The following ATG5 variants were observed in gnomAD, a reference collection of about 807,000 sequenced individuals.
The protein encoded by ATG5 is autophagy related 5, also known as autophagy protein 5.
In ATG5, 14 loss-of-function variants were observed where a neutral mutation model predicts 36.5. That is an observed-to-expected ratio of 0.38 (90% confidence interval 0.25 to 0.60). The LOEUF is 0.60. ATG5 is among the 20% of genes least tolerant of loss of function. The pLI is 0.60. For synonymous variants in ATG5, 95 were observed against 101.5 expected, an observed-to-expected ratio of 0.94 and a Z score of 0.38; for missense variants, 195 against 326.7, an observed-to-expected ratio of 0.60 and a Z score of 3.11.
At chr6:106,266,896 T>C (rs901487054) in intron 5 of ATG5, among the ~76,000 whole-genome samples, 17 of 152,304 alleles carry the variant, frequency 1.1e-4, no homozygotes, top group African/African-American at 4.1e-4. Flanking sequence ...GTCAATATCA[T>C]ACGGAATGGG....
intron 6 of ATG5, among the ~76,000 whole-genome samples, chr6:106,233,746 G>C (rs1777779085): frequency 6.6e-6 from 1 of 152,136 alleles, no homozygotes; most frequent in East Asian, 1.9e-4. Flanking sequence ...CGTGAGGAAA[G>C]TAACTAAAAT....
chr6:106,259,560 T>C (rs1016185190), intron 5 of ATG5, among the ~76,000 whole-genome samples: 4 of 152,216 alleles, frequency 2.6e-5, no homozygotes, highest in African/African-American at 7.2e-5. Flanking sequence ...AACAAGTCCA[T>C]GAAGTTGTTT....
chr6:106,261,783 G>A (rs1044146470), intron 5 of ATG5, among the ~76,000 whole-genome samples: 2 of 152,184 alleles, frequency 1.3e-5, no homozygotes, highest in African/African-American at 4.8e-5. Context: ...AGAGCCTATT[G>A]TTAGGCTGGA....
At chr6:106,293,470 T>C (rs1582663857) in intron 3 of ATG5, among the ~76,000 whole-genome samples, 1 of 152,226 alleles carries the variant, frequency 6.6e-6, no homozygotes, top group Non-Finnish European at 1.5e-5. Flanking sequence ...TGTTTTTTAC[T>C]TTTAGAACTT....
At chr6:106,187,847 A>T (rs1023273755) in intron 7 of ATG5, among the ~76,000 whole-genome samples, 1 of 152,198 alleles carries the variant, frequency 6.6e-6, no homozygotes, top group South Asian at 2.1e-4. Flanking sequence ...CCCAGGTGAC[A>T]GTCAACAGAG....
At chr6:106,321,134 T>C (rs779823298) in intron 1 of ATG5, among the ~76,000 whole-genome samples, 2 of 152,240 alleles carry the variant, frequency 1.3e-5, no homozygotes, top group Non-Finnish European at 2.9e-5. Context: ...TTTCCACCTA[T>C]TAGTTACGTG....
chr6:106,242,679 C>G (rs1218154030), intron 6 of ATG5, among the ~76,000 whole-genome samples: 1 of 152,048 alleles, frequency 6.6e-6, no homozygotes, highest in Non-Finnish European at 1.5e-5. Context: ...CAGAATACAT[C>G]CTATTCTGCT....
chr6:106,273,144 A>G (rs1166314267), intron 5 of ATG5, among the ~76,000 whole-genome samples: 1 of 152,252 alleles, frequency 6.6e-6, no homozygotes, highest in Non-Finnish European at 1.5e-5. Context: ...GTTCAAGAAG[A>G]GTAGTTATGC....
intron 5 of ATG5, among the ~76,000 whole-genome samples, chr6:106,277,908 A>G (rs57433728): frequency 0.025 from 3,747 of 152,326 alleles, 64 homozygotes; most frequent in African/African-American, 0.049. Context: ...AATTTAACAC[A>G]TTAGAAACAC....
chr6:106,262,882 A>T (rs551180178), intron 5 of ATG5, among the ~76,000 whole-genome samples: 1 of 152,282 alleles, frequency 6.6e-6, no homozygotes, highest in East Asian at 1.9e-4. Context: ...AGCCTACACC[A>T]CCAGGGCCCT....
At chr6:106,216,555 G>A (rs1227938495) in intron 6 of ATG5, among the ~76,000 whole-genome samples, 2 of 152,170 alleles carry the variant, frequency 1.3e-5, no homozygotes, top group Non-Finnish European at 2.9e-5. Context: ...AAATAAATTA[G>A]TAGTTGCCAA....
In ATG5 at chr6:106,203,876, T is replaced by C. The variant is rs192018128; in HGVS notation, c.574-1787A>G. Among the ~76,000 whole-genome samples the C allele has an allele frequency of 4.5e-4, 68 of 152,320 alleles. 1 individual carries two copies. The East Asian group carries it at 0.012, about 26-fold the overall frequency. On this transcript the variant is annotated intron_variant, in intron 6 of 7. Coordinates refer to ENST00000369076, the MANE Select transcript of ATG5 (RefSeq NM_004849.4). ...TGTTTTTGTCTTTTAATGACAGAGG[T>C]ATACCTCAACATATTTGACACAACT...
intron 6 of ATG5, among the ~76,000 whole-genome samples, chr6:106,229,165 T>G (rs1371642105): frequency 6.6e-6 from 1 of 152,226 alleles, no homozygotes; most frequent in Non-Finnish European, 1.5e-5. Flanking sequence ...GAGACTTTCA[T>G]TTCCTCTAGC....
chr6:106,266,224 T>G (rs1251506374), intron 5 of ATG5, among the ~76,000 whole-genome samples: 1 of 152,194 alleles, frequency 6.6e-6, no homozygotes, highest in Non-Finnish European at 1.5e-5. Context: ...AACACCTCTA[T>G]GTAAATAAAC....
chr6:106,219,709 C>T (rs896069539), intron 6 of ATG5, among the ~76,000 whole-genome samples: 1 of 152,090 alleles, frequency 6.6e-6, no homozygotes, highest in Non-Finnish European at 1.5e-5. Context: ...CCAGAGGTAT[C>T]GACAGATGGC....
intron 4 of ATG5, among the ~76,000 whole-genome samples, chr6:106,288,058 C>A (rs1211955988): frequency 1.3e-5 from 2 of 151,662 alleles, no homozygotes; most frequent in Non-Finnish European, 2.9e-5. Flanking sequence ...GCAACCTCCG[C>A]CCCCCAGGTT....
chr6:106,249,285 A>G (rs1215928683), intron 5 of ATG5, among the ~76,000 whole-genome samples: 1 of 152,136 alleles, frequency 6.6e-6, no homozygotes, highest in Non-Finnish European at 1.5e-5. Flanking sequence ...CCCCTGAAAA[A>G]TCACTACTTT....
intron 7 of ATG5, among the ~76,000 whole-genome samples, chr6:106,190,865 T>C (rs1296726450): frequency 3.9e-5 from 6 of 152,168 alleles, no homozygotes; most frequent in Admixed American, 3.3e-4. Flanking sequence ...CATATAGACA[T>C]AGATACAATG....
intron 5 of ATG5, among the ~76,000 whole-genome samples, chr6:106,251,659 G>GA: frequency 1.3e-5 from 1 of 79,588 alleles, no homozygotes; most frequent in Non-Finnish European, 2.7e-5. Context: ...GAGGGAGGGA[G>GA]GAAGGGAGGG....
Sources: gnomAD v4.1 joint callset for allele counts (sites outside exome capture counted in the v4.1 genomes callset) on GRCh38, gnomAD v4.1.1 for gene constraint, MANE v1.5 for transcripts, NCBI Gene and HGNC (gene_info 2026-07-23, HGNC 2026-07-21) for gene names.